ATP8B1: variants seen among roughly 807,000 people sequenced by gnomAD.
ATP8B1 encodes the protein ATPase phospholipid transporting 8B1.
Under a neutral mutation model 149.9 loss-of-function variants are expected in ATP8B1, and 80 were observed. The observed-to-expected ratio is 0.53, with a 90% CI of 0.45 to 0.64. ATP8B1 has a LOEUF of 0.64. ATP8B1 is among the 30% of genes least tolerant of loss of function. The pLI is 0.00. For missense variants in ATP8B1, 1,247 were observed against 1,552.6 expected, an observed-to-expected ratio of 0.80 and a Z score of 3.31; for synonymous variants, 536 against 562.8, an observed-to-expected ratio of 0.95 and a Z score of 0.67.
intron 14 of ATP8B1, 53 bp downstream of exon 14, chr18:57,685,019 G>A: frequency 2.5e-6 from 4 of 1,598,508 alleles, no homozygotes; most frequent in Admixed American, 3.3e-5. Context: ...TGGCCCTGCT[G>A]GGACCCTGAC....
intron 17 of ATP8B1, among the ~76,000 whole-genome samples, chr18:57,670,608 C>CAA (rs1418571079): frequency 6.6e-6 from 1 of 151,940 alleles, no homozygotes; most frequent in East Asian, 1.9e-4. Context: ...CTCACCCTCC[C>CAA]AAAGTACTGG....
At chr18:57,710,486 G>A (rs771382827) in intron 2 of ATP8B1, among the ~76,000 whole-genome samples, 8 of 152,022 alleles carry the variant, frequency 5.3e-5, no homozygotes, top group African/African-American at 1.9e-4. Flanking sequence ...GGCTCCGAAC[G>A]CTTGCTTACA....
At chr18:57,675,249 G>A (rs369641172) in intron 15 of ATP8B1, among the ~76,000 whole-genome samples, 3 of 152,210 alleles carry the variant, frequency 2.0e-5, no homozygotes, top group East Asian at 3.9e-4. Flanking sequence ...CATTGGTGGA[G>A]AATGAGGGAA....
intron 1 of ATP8B1, among the ~76,000 whole-genome samples, chr18:57,759,155 C>CAAAAAAAA (rs566728161): frequency 5.6e-4 from 59 of 106,272 alleles, no homozygotes; most frequent in South Asian, 2.5e-3. Flanking sequence ...GATTCCATCT[C>CAAAAAAAA]AAAAAAAAAA....
rs1171479565 is a variant in ATP8B1 at position 57,652,793 on chromosome 18, T to C, written c.3016-64A>G. On this transcript the variant is annotated intron_variant, in intron 24 of 27. Transcript: ENST00000648908. ...GGTCAAAGCAGTCAGAGATATGTTATAATTAATATCTCACAAAAAGTTGCA... is the reference window on the plus strand; with the variant it reads ...GGTCAAAGCAGTCAGAGATATGTTACAATTAATATCTCACAAAAAGTTGCA... 1.9e-6 allele frequency: 3 copies of C among 1,605,828 alleles called. No homozygotes were observed. The South Asian group carries it at 3.3e-5, about 18-fold the overall frequency.
Position 57,684,173 on chromosome 18 carries a change from T to A in ATP8B1, c.1493A>T (p.Asn498Ile). ...TGCAAGCTTCCCATCAGCATATGTATTCCAGCTAAAATCAACTTGCTGAAA... is the reference window on the plus strand; with the variant it reads ...TGCAAGCTTCCCATCAGCATATGTAATCCAGCTAAAATCAACTTGCTGAAA... ...NKIEQVDFSW[N>I]TYADGKLAFY... The change falls in exon 15 of 28, where the codon AAT becomes ATT. Residue 498 changes from asparagine to isoleucine, a missense_variant. Around this residue, in one of 3 missense-constraint regions of ATP8B1, gnomAD observed 853 missense variants for 1,035.7 expected, o/e 0.82. Coordinates refer to ENST00000648908, the MANE Select transcript of ATP8B1 (RefSeq NM_001374385.1). 1.9e-6 allele frequency: 3 copies of A among 1,614,008 alleles called. No individual in the cohort carries two copies. Among genetic ancestry groups the A allele is most frequent in the East Asian group, 2.2e-5 (1 of 44,886 alleles).
intron 1 of ATP8B1, among the ~76,000 whole-genome samples, chr18:57,787,163 C>T (rs1276216695): frequency 6.6e-6 from 1 of 152,178 alleles, no homozygotes; most frequent in East Asian, 1.9e-4. Context: ...TTGTATAATG[C>T]CTAAGATATC....
chr18:57,744,266 G>C (rs1029429117), intron 1 of ATP8B1, among the ~76,000 whole-genome samples: 4 of 139,826 alleles, frequency 2.9e-5, no homozygotes, highest in African/African-American at 5.5e-5. Context: ...AGTGAGCCAA[G>C]ATGGCACCAC....
At chr18:57,744,297 G>A (rs2079944473) in intron 1 of ATP8B1, among the ~76,000 whole-genome samples, 1 of 110,064 alleles carries the variant, frequency 9.1e-6, no homozygotes, top group South Asian at 3.5e-4. Flanking sequence ...GTGACAGAGT[G>A]AGACTGTCTC....
At chr18:57,741,591 T>A (rs2079914216) in intron 1 of ATP8B1, among the ~76,000 whole-genome samples, 1 of 152,234 alleles carries the variant, frequency 6.6e-6, no homozygotes, top group Non-Finnish European at 1.5e-5. Flanking sequence ...GAGAACCCAG[T>A]TAAGCTGTGC....
chr18:57,731,544 A>G, intron 2 of ATP8B1, 83 bp downstream of exon 2: 1 of 1,482,502 alleles, frequency 6.7e-7, no homozygotes, highest in Non-Finnish European at 9.3e-7. Context: ...CACGCAAAAT[A>G]GACCGATCAT....
At position 57,751,454 on chromosome 18, in the gene ATP8B1, G is replaced by GA. The variant is rs371060012; in HGVS notation, c.-25-19623dup. On this transcript the variant is annotated intron_variant, in intron 1 of 27. Coordinates refer to ENST00000648908, the MANE Select transcript of ATP8B1 (RefSeq NM_001374385.1). ...TTGCAGTAAGCCAAGATGCTGTCTT[G>GA]AAAAAAAAAAAAAGGGAATTTATTT... Among the ~76,000 whole-genome samples the GA allele has an allele frequency of 8.7e-3, 1,181 of 135,196 alleles. 4 individuals are homozygous for GA. Among genetic ancestry groups the GA allele is most frequent in the African/African-American group, 0.023 (792 of 35,040 alleles). 88.7% of individuals were successfully genotyped at this position (135,196 alleles called of 152,430 possible).
intron 1 of ATP8B1, among the ~76,000 whole-genome samples, chr18:57,756,176 TGAAACATTTCCACAAC>T (rs2123291999): frequency 7.0e-6 from 1 of 143,640 alleles, no homozygotes; most frequent in East Asian, 2.0e-4. Context: ...TCCTTTAATC[TGAAACATTTCCACAAC>T]ATATATATAT....
intron 18 of ATP8B1, 122 bp from the exon 19 acceptor site, chr18:57,668,662 C>G (rs1172896700): frequency 4.5e-6 from 3 of 659,644 alleles, no homozygotes; most frequent in Non-Finnish European, 7.8e-6. Flanking sequence ...TGCTGCTCTC[C>G]TGGGGCCAAT....
intron 1 of ATP8B1, among the ~76,000 whole-genome samples, chr18:57,768,382 G>C (rs551280483): frequency 0.014 from 678 of 47,776 alleles, 12 homozygotes; most frequent in Non-Finnish European, 0.018. Flanking sequence ...GTGAGACCCT[G>C]TCTCAAAAAA....
chr18:57,778,371 G>A (rs924256160), intron 1 of ATP8B1, among the ~76,000 whole-genome samples: 1 of 150,706 alleles, frequency 6.6e-6, no homozygotes, highest in Non-Finnish European at 1.5e-5. Context: ...GACTACAGGC[G>A]CCCGCCGCTA....
intron 1 of ATP8B1, among the ~76,000 whole-genome samples, chr18:57,775,545 T>G (rs1182402753): frequency 1.3e-5 from 2 of 151,600 alleles, no homozygotes; most frequent in African/African-American, 2.4e-5. Flanking sequence ...ATTATCAAGG[T>G]CACAGATGAG....
At chr18:57,787,436 A>G (rs1400301990) in intron 1 of ATP8B1, among the ~76,000 whole-genome samples, 1 of 135,252 alleles carries the variant, frequency 7.4e-6, no homozygotes, top group Admixed American at 7.9e-5. Context: ...ACACTGCGGG[A>G]GGAGCTCCAT....
intron 1 of ATP8B1, among the ~76,000 whole-genome samples, chr18:57,752,837 C>G (rs533341003): frequency 4.6e-5 from 7 of 152,284 alleles, no homozygotes; most frequent in African/African-American, 1.4e-4. Flanking sequence ...TTGCCCAGAA[C>G]AGCATGTAAC....
Sources: gnomAD v4.1 joint callset for allele counts (sites outside exome capture counted in the v4.1 genomes callset) on GRCh38, gnomAD v4.1.1 for gene constraint, gnomAD v4.1.1 regional missense constraint, MANE v1.5 for transcripts, NCBI Gene and HGNC (gene_info 2026-07-23, HGNC 2026-07-21) for gene names.